The following TASP1 variants were observed in gnomAD, a reference collection of about 807,000 sequenced individuals.
TASP1 encodes threonine aspartase 1.
Under a neutral mutation model 56.6 loss-of-function variants are expected in TASP1, and 16 were observed. That is an observed-to-expected ratio of 0.28 (90% CI 0.19 to 0.43). The LOEUF (loss-of-function observed/expected upper bound fraction) is 0.43. TASP1 is among the 20% of genes least tolerant of loss of function. The pLI is 1.00. For missense variants in TASP1, 393 were observed against 511.6 expected (o/e 0.77, Z 2.24); for synonymous variants, 179 against 184.2 (o/e 0.97, Z 0.23).
At chr20:13,626,342 G>A in intron 2 of TASP1, among the ~76,000 whole-genome samples, 1 of 152,170 alleles carries the variant, frequency 6.6e-6, no homozygotes, top group East Asian at 1.9e-4. Context: ...CACGGGAATA[G>A]CTTGAACCTG....
At chr20:13,199,428 A>G in the TASP1 span, among the ~76,000 whole-genome samples, 1 of 151,342 alleles carries the variant, frequency 6.6e-6, no homozygotes, top group Non-Finnish European at 1.5e-5. Flanking sequence ...CAAAAAATAC[A>G]CTCTGTGCTT....
chr20:13,415,999 G>GA (rs1180241334), intron 13 of TASP1, among the ~76,000 whole-genome samples: 2 of 152,134 alleles, frequency 1.3e-5, no homozygotes, highest in African/African-American at 4.8e-5. Flanking sequence ...AAATGAATCT[G>GA]AAAATATGAA....
intron 13 of TASP1, among the ~76,000 whole-genome samples, chr20:13,394,329 G>GAAAAAAAAAAAAAAAAAAAAAAAAA (rs2041429797): frequency 8.6e-6 from 1 of 116,574 alleles, no homozygotes; most frequent in African/African-American, 4.5e-5. Flanking sequence ...AAAAAAAAAA[G>GAAAAAAAAAAAAAAAAAAAAAAAAA]GCCTGGTGCG....
the TASP1 span, among the ~76,000 whole-genome samples, chr20:13,271,544 A>T: frequency 1.0e-3 from 153 of 152,356 alleles, no homozygotes; most frequent in Admixed American, 9.8e-3. Flanking sequence ...AATGCACCAG[A>T]TACTCAGGAA....
chr20:13,577,954 C>T (rs1032475861), intron 6 of TASP1, among the ~76,000 whole-genome samples: 1 of 152,158 alleles, frequency 6.6e-6, no homozygotes, highest in Non-Finnish European at 1.5e-5. Context: ...TTATATTCTA[C>T]AAGCAACAAT....
chr20:13,228,077 A>T, the TASP1 span, among the ~76,000 whole-genome samples: 1 of 149,816 alleles, frequency 6.7e-6, no homozygotes, highest in Admixed American at 6.7e-5. Flanking sequence ...GGTTCAAGCG[A>T]TTCTCGTGCC....
the TASP1 span, among the ~76,000 whole-genome samples, chr20:13,297,819 A>G: frequency 1.3e-5 from 2 of 152,230 alleles, no homozygotes; most frequent in African/African-American, 4.8e-5. Context: ...AAAGAACCAA[A>G]CACAACCCTT....
intron 4 of TASP1, among the ~76,000 whole-genome samples, chr20:13,608,996 A>G: frequency 6.6e-6 from 1 of 152,358 alleles, no homozygotes; most frequent in East Asian, 1.9e-4. Flanking sequence ...CAGTAGTTAC[A>G]ATTTATTTAT....
chr20:13,303,114 G>A, the TASP1 span, among the ~76,000 whole-genome samples: 5 of 152,148 alleles, frequency 3.3e-5, no homozygotes, highest in Non-Finnish European at 7.4e-5. Flanking sequence ...GCCCAACAAG[G>A]TTAGCTAACT....
chr20:13,391,973 A>T (rs2041305495), intron 13 of TASP1, among the ~76,000 whole-genome samples: 1 of 151,598 alleles, frequency 6.6e-6, no homozygotes, highest in South Asian at 2.1e-4. Context: ...GTCTCAAAAA[A>T]AAAAAAAAAA....
the TASP1 span, among the ~76,000 whole-genome samples, chr20:13,382,689 TAC>T: frequency 6.6e-6 from 1 of 152,210 alleles, no homozygotes; most frequent in African/African-American, 2.4e-5. Flanking sequence ...TATTTAGATT[TAC>T]AGTTTATCTG....
At chr20:13,577,316 T>C (rs1044835808) in intron 6 of TASP1, among the ~76,000 whole-genome samples, 23 of 152,184 alleles carry the variant, frequency 1.5e-4, no homozygotes, top group Admixed American at 1.4e-3. Context: ...GGTGTTTTAT[T>C]TCCTATCCTA....
chr20:13,513,441 G>T (rs952875025), intron 10 of TASP1, among the ~76,000 whole-genome samples: 1 of 152,030 alleles, frequency 6.6e-6, no homozygotes, highest in African/African-American at 2.4e-5. Context: ...GGCAGAGCAA[G>T]AAGTGGGGAG....
chr20:13,310,495 T>C, the TASP1 span, among the ~76,000 whole-genome samples: 2 of 150,746 alleles, frequency 1.3e-5, no homozygotes, highest in African/African-American at 4.9e-5. Context: ...GGAAAAAAAA[T>C]GTATTGACAT....
At chr20:13,549,796 C>A (rs1436332874) in intron 8 of TASP1, among the ~76,000 whole-genome samples, 1 of 151,830 alleles carries the variant, frequency 6.6e-6, no homozygotes, top group African/African-American at 2.4e-5. Flanking sequence ...TCCTTTTTTC[C>A]CTCTCCATTG....
chr20:13,241,609 GAC>G, the TASP1 span, among the ~76,000 whole-genome samples: 1 of 152,166 alleles, frequency 6.6e-6, no homozygotes, highest in Non-Finnish European at 1.5e-5. Flanking sequence ...ACCATCTCAT[GAC>G]TCCTGTTCCA....
In TASP1 at chr20:13,430,609, T is replaced by C. The variant is rs559170081; in HGVS notation, c.1096+4435A>G. ...AGGAAGCCACAATGCCTTTTTGACC[T>C]AGTCTCAGAAATCAGACACTTTCAC... On this transcript the variant is annotated intron_variant, in intron 12 of 13. Coordinates refer to ENST00000337743, the MANE Select transcript of TASP1 (RefSeq NM_017714.3). 9.2e-5 allele frequency among the ~76,000 whole-genome samples: 14 copies of C among 152,316 alleles called. No individual in the cohort carries two copies. The South Asian group carries it at 2.9e-3, about 32-fold the overall frequency.
chr20:13,519,091 C>A (rs1377459089), intron 10 of TASP1, among the ~76,000 whole-genome samples: 1 of 152,076 alleles, frequency 6.6e-6, no homozygotes, highest in Non-Finnish European at 1.5e-5. Flanking sequence ...AAACCAAATA[C>A]CCTATATTCT....
the TASP1 span, among the ~76,000 whole-genome samples, chr20:13,216,525 T>C: frequency 7.9e-5 from 12 of 152,108 alleles, no homozygotes. Flanking sequence ...AACACCAGAG[T>C]TGATTAATTG....
Sources: gnomAD v4.1 joint callset for allele counts (sites outside exome capture counted in the v4.1 genomes callset) on GRCh38, gnomAD v4.1.1 for gene constraint, MANE v1.5 for transcripts, NCBI Gene and HGNC (gene_info 2026-07-23, HGNC 2026-07-21) for gene names.